The following PPP1R14C variants were observed in gnomAD, a reference collection of about 807,000 sequenced individuals.
The protein encoded by PPP1R14C is protein phosphatase 1 regulatory subunit 14C.
A neutral mutation model predicts 20.4 loss-of-function variants in PPP1R14C; 16 were observed. The observed-to-expected ratio is 0.78, with a 90% CI of 0.53 to 1.19. PPP1R14C has a LOEUF of 1.19. Ranked by LOEUF, PPP1R14C falls within the 50% of genes most tolerant of loss-of-function variation. The probability of loss-of-function intolerance (pLI) is 0.00; values close to 1 mark genes in which losing one functional copy is unlikely to be tolerated. For synonymous variants in PPP1R14C, 91 were observed against 91.0 expected, an observed-to-expected ratio of 1.00 and a Z score of 0.00; for missense variants, 211 against 220.1, an observed-to-expected ratio of 0.96 and a Z score of 0.26.
intron 1 of PPP1R14C, among the ~76,000 whole-genome samples, chr6:150,193,637 G>A (rs1474881997): frequency 6.6e-6 from 1 of 151,910 alleles, no homozygotes; most frequent in African/African-American, 2.4e-5. Flanking sequence ...AGGGGTGGGA[G>A]GTAGCTGTAT....
chr6:150,215,181 T>C (rs939644088), intron 2 of PPP1R14C, among the ~76,000 whole-genome samples: 3 of 152,250 alleles, frequency 2.0e-5, no homozygotes, highest in African/African-American at 7.2e-5. Context: ...GAGCTAGCAC[T>C]GGAATATCCA....
chr6:150,234,573 G>C (rs1778333984), intron 3 of PPP1R14C, among the ~76,000 whole-genome samples: 1 of 152,102 alleles, frequency 6.6e-6, no homozygotes, highest in Admixed American at 6.6e-5. Context: ...AAGCCAGCTG[G>C]GCATGGTGGC....
At chr6:150,215,896 G>A (rs892841804) in intron 2 of PPP1R14C, among the ~76,000 whole-genome samples, 1 of 152,162 alleles carries the variant, frequency 6.6e-6, no homozygotes, top group Non-Finnish European at 1.5e-5. Context: ...TCTTGCACAG[G>A]CTGGCTCAAC....
At chr6:150,160,974 G>C (rs957993656) in intron 1 of PPP1R14C, among the ~76,000 whole-genome samples, 7 of 152,066 alleles carry the variant, frequency 4.6e-5, no homozygotes, top group African/African-American at 9.7e-5. Flanking sequence ...TTTTATTAGA[G>C]AATGGTATTA....
chr6:150,162,421 A>G (rs1777380131), intron 1 of PPP1R14C, among the ~76,000 whole-genome samples: 2 of 152,184 alleles, frequency 1.3e-5, no homozygotes, highest in Non-Finnish European at 1.5e-5. Flanking sequence ...CTTTTCCAGT[A>G]TGTCATATAA....
chr6:150,204,734 T>G (rs1284495245), intron 1 of PPP1R14C, among the ~76,000 whole-genome samples: 1 of 152,162 alleles, frequency 6.6e-6, no homozygotes, highest in African/African-American at 2.4e-5. Context: ...GAGATGAAAC[T>G]GAAACCTGGG....
chr6:150,193,592 G>A (rs9383718), intron 1 of PPP1R14C, among the ~76,000 whole-genome samples: 6,522 of 148,830 alleles, frequency 0.044, 295 homozygotes, highest in East Asian at 0.12. Flanking sequence ...TGAAGTCCTC[G>A]ATGGAGGGCC....
intron 1 of PPP1R14C, among the ~76,000 whole-genome samples, chr6:150,149,199 A>C (rs1777213859): frequency 6.6e-6 from 1 of 152,184 alleles, no homozygotes. Flanking sequence ...TGTGCTTTGA[A>C]GTGCGATGAA....
chr6:150,185,367 C>G lies in PPP1R14C; in HGVS notation c.307-29377C>G, dbSNP rs1401848969. 6.6e-6 allele frequency among the ~76,000 whole-genome samples: 1 copy of G among 152,124 alleles called. No individual in the cohort carries two copies. Among genetic ancestry groups the G allele is most frequent in the African/African-American group, 2.4e-5 (1 of 41,436 alleles). ...AGACCTGCAAGGCTCCTGCAATCTG[C>G]CCTTTACTCTTTGCCCTTCCCAGCT... On this transcript the variant is annotated intron_variant, in intron 1 of 3. Coordinates refer to ENST00000361131, the MANE Select transcript of PPP1R14C (RefSeq NM_030949.3). This position sits in a 1 kb window ranked among gnomAD's most constrained non-coding sequence, Gnocchi z 4.1.
At chr6:150,220,041 A>T (rs1468379688) in intron 3 of PPP1R14C, among the ~76,000 whole-genome samples, 1 of 151,900 alleles carries the variant, frequency 6.6e-6, no homozygotes, top group Non-Finnish European at 1.5e-5. Flanking sequence ...TTTTTAGTAG[A>T]GGCGGATTTT....
chr6:150,208,938 A>G (rs190120429), intron 1 of PPP1R14C, among the ~76,000 whole-genome samples: 2 of 152,332 alleles, frequency 1.3e-5, no homozygotes, highest in Admixed American at 6.5e-5. Context: ...AAATGTTTTC[A>G]TAGACAGCTC....
In PPP1R14C at chr6:150,167,186, G is replaced by GCAAA. The variant is rs561232893; in HGVS notation, c.306+23690_306+23693dup. 2.5e-3 allele frequency among the ~76,000 whole-genome samples: 379 copies of GCAAA among 152,212 alleles called. 2 individuals are homozygous for GCAAA. The highest frequency in any genetic ancestry group is 8.3e-3 in the African/African-American group (343 of 41,536). On this transcript the variant is annotated intron_variant, in intron 1 of 3. Transcript: ENST00000361131. ...GTTTGAGACCAGCCTGGCCAACATG[G>GCAAA]CAAACCCCATCTCTACTAAAAATAC...
intron 1 of PPP1R14C, among the ~76,000 whole-genome samples, chr6:150,160,349 C>G (rs1052585025): frequency 6.7e-6 from 1 of 148,936 alleles, no homozygotes; most frequent in Non-Finnish European, 1.5e-5. Context: ...ACTGCAAGCT[C>G]CACCTCCTGG....
chr6:150,180,748 T>A (rs1184533217), intron 1 of PPP1R14C, among the ~76,000 whole-genome samples: 1 of 151,080 alleles, frequency 6.6e-6, no homozygotes, highest in Non-Finnish European at 1.5e-5. Flanking sequence ...GGGGGCGGAG[T>A]GAAGGGTGAA....
At chr6:150,169,983 T>A (rs1252965622) in intron 1 of PPP1R14C, among the ~76,000 whole-genome samples, 1 of 152,226 alleles carries the variant, frequency 6.6e-6, no homozygotes, top group Non-Finnish European at 1.5e-5. Flanking sequence ...TCGGTTTCCT[T>A]GCTGTATGGG....
intron 3 of PPP1R14C, 128 bp downstream of exon 3, chr6:150,216,984 T>C: frequency 1.5e-6 from 1 of 658,692 alleles, no homozygotes; most frequent in Non-Finnish European, 2.6e-6. Flanking sequence ...TTATTATCCA[T>C]GAGTGCATAT....
At chr6:150,189,961 G>A (rs1253988409) in intron 1 of PPP1R14C, among the ~76,000 whole-genome samples, 1 of 152,096 alleles carries the variant, frequency 6.6e-6, no homozygotes, top group Non-Finnish European at 1.5e-5. Flanking sequence ...CTACAGGAGG[G>A]TGAAAGCTGA....
intron 3 of PPP1R14C, among the ~76,000 whole-genome samples, chr6:150,239,327 G>T (rs369937155): frequency 6.6e-6 from 1 of 152,136 alleles, no homozygotes; most frequent in Non-Finnish European, 1.5e-5. Context: ...GACATATTCT[G>T]GGACAGAAAG....
chr6:150,233,992 C>T (rs1312650613), intron 3 of PPP1R14C, among the ~76,000 whole-genome samples: 1 of 152,208 alleles, frequency 6.6e-6, no homozygotes, highest in Non-Finnish European at 1.5e-5. Flanking sequence ...GGGAGGAAGC[C>T]AGAGGACTGG....
Sources: allele counts gnomAD v4.1 joint callset (sites outside exome capture counted in the v4.1 genomes callset), GRCh38; gene constraint gnomAD v4.1.1; non-coding constraint Gnocchi (gnomAD v3.1); transcripts MANE v1.5; gene names NCBI Gene and HGNC (gene_info 2026-07-23, HGNC 2026-07-21).